AFF1: variants seen among roughly 807,000 people sequenced by gnomAD.
AFF1 encodes the protein AF4/FMR2 family member 1.
AFF1 carries 48 observed loss-of-function variants against 121.7 expected under a neutral mutation model. The ratio of observed to expected loss-of-function variants is 0.39; its 90% CI spans 0.31 to 0.50. AFF1 has a LOEUF of 0.50. Ranked by LOEUF, AFF1 falls within the 20% of genes least tolerant of loss-of-function variation. AFF1 has a pLI of 0.76. For missense variants in AFF1, 1,523 were observed against 1,511.7 expected, an observed-to-expected ratio of 1.01 and a Z score of -0.12; for synonymous variants, 613 against 563.0, an observed-to-expected ratio of 1.09 and a Z score of -1.26.
intron 2 of AFF1, among the ~76,000 whole-genome samples, chr4:86,956,584 A>G (rs986796598): frequency 2.6e-5 from 4 of 152,240 alleles, no homozygotes; most frequent in South Asian, 2.1e-4. Flanking sequence ...ACCTGTTTAC[A>G]GTTAATCCCA....
At chr4:86,991,950 A>G (rs1014920892) in intron 2 of AFF1, among the ~76,000 whole-genome samples, 2 of 151,958 alleles carry the variant, frequency 1.3e-5, no homozygotes, top group East Asian at 1.9e-4. Context: ...AACCAAACCA[A>G]CCATGATAAT....
intron 10 of AFF1, among the ~76,000 whole-genome samples, chr4:87,106,965 T>TA (rs1405046899): frequency 3.3e-5 from 5 of 152,170 alleles, no homozygotes; most frequent in African/African-American, 1.2e-4. Flanking sequence ...CATGACAAGG[T>TA]AGCCTAACTT....
chr4:86,950,026 G>C, intron 2 of AFF1: 1 of 1,614,066 alleles, frequency 6.2e-7, no homozygotes, highest in Non-Finnish European at 8.5e-7. Flanking sequence ...GCTGAGCTCC[G>C]TAGGTAGGGG....
intron 1 of AFF1, among the ~76,000 whole-genome samples, chr4:86,944,804 CT>C (rs1427064001): frequency 1.3e-5 from 2 of 152,232 alleles, no homozygotes; most frequent in East Asian, 1.9e-4. Flanking sequence ...CATCTTCTCC[CT>C]TTTTTTCTAT....
At chr4:87,043,118 A>C (rs1163551064) in intron 2 of AFF1, among the ~76,000 whole-genome samples, 1 of 152,194 alleles carries the variant, frequency 6.6e-6, no homozygotes, top group African/African-American at 2.4e-5. Context: ...TCTCTGAGAC[A>C]AAGGTAGCAT....
rs1307610920 is a variant in AFF1, at chr4:87,134,630, A to G, written c.3471A>G (p.Thr1157=). 1.2e-6 allele frequency: 2 copies of G among 1,614,152 alleles called. No homozygotes were observed. Among genetic ancestry groups the G allele is most frequent in the South Asian group, 1.1e-5 (1 of 91,088 alleles). ...TGACATCTTCCTATGTCACCATCACATCCCATGTTCTTACCGCCTTTGACC... is the reference window on the plus strand; with the variant it reads ...TGACATCTTCCTATGTCACCATCACGTCCCATGTTCTTACCGCCTTTGACC... The part of the protein sequence containing the change: ...QNMTSSYVTI[T]SHVLTAFDLW... Residue 1157 remains threonine (T), a synonymous_variant, in exon 20 of 21, where the codon ACA becomes ACG. Transcript: ENST00000395146.
intron 4 of AFF1, among the ~76,000 whole-genome samples, chr4:87,066,542 T>C (rs532817449): frequency 2.6e-5 from 4 of 152,178 alleles, no homozygotes; most frequent in African/African-American, 9.6e-5. Context: ...AGCTATATGA[T>C]TGCACCAGTG....
chr4:87,132,468 T>C, intron 19 of AFF1, 60 bp downstream of exon 19: 1 of 1,529,998 alleles, frequency 6.5e-7, no homozygotes, highest in Non-Finnish European at 8.8e-7. Flanking sequence ...ATTTACTTCT[T>C]GCTTTTGCAA....
chr4:86,954,060 G>T (rs1721571947), intron 2 of AFF1, among the ~76,000 whole-genome samples: 1 of 152,092 alleles, frequency 6.6e-6, no homozygotes, highest in Non-Finnish European at 1.5e-5. Context: ...ATTAAGACCA[G>T]CTGTCTAGAA....
Position 87,127,714 on chromosome 4 carries a change from G to C in AFF1, c.2964+11G>C, listed in dbSNP as rs756092156. 1 of 1,613,332 alleles carries C rather than the reference G, an allele frequency of 6.2e-7. No homozygotes were observed. Among genetic ancestry groups the C allele is most frequent in the South Asian group, 1.1e-5 (1 of 90,906 alleles). ...AAAGCAGAGTTAATGGTTAGTATTG[G>C]CCCTTTATCTCTTTGGTAGAATGTT... On this transcript the variant is annotated intron_variant, in intron 16 of 20. Coordinates refer to ENST00000395146, the MANE Select transcript of AFF1 (RefSeq NM_001166693.3).
intron 2 of AFF1, among the ~76,000 whole-genome samples, chr4:86,998,570 C>T (rs540227107): frequency 5.3e-5 from 8 of 152,264 alleles, no homozygotes; most frequent in African/African-American, 1.9e-4. Flanking sequence ...CTTTTGAATA[C>T]ACATTTCATT....
At chr4:87,046,309 T>C in intron 3 of AFF1, 23 bp downstream of exon 3, 1 of 1,603,910 alleles carries the variant, frequency 6.2e-7, no homozygotes, top group Non-Finnish European at 8.5e-7. Flanking sequence ...CACTAGACAT[T>C]GAAGTCCTGA....
intron 2 of AFF1, among the ~76,000 whole-genome samples, chr4:86,951,007 C>T (rs1310486542): frequency 6.6e-6 from 1 of 152,152 alleles, no homozygotes; most frequent in Admixed American, 6.5e-5. Context: ...AGCTGGTGGA[C>T]TGTGGGACAG....
chr4:86,969,329 A>G (rs992884900), intron 2 of AFF1, among the ~76,000 whole-genome samples: 1 of 151,644 alleles, frequency 6.6e-6, no homozygotes, highest in African/African-American at 2.4e-5. Flanking sequence ...AACACAAAAA[A>G]TTAGCTTGGC....
At chr4:86,958,765 G>C (rs1721939655) in intron 2 of AFF1, among the ~76,000 whole-genome samples, 1 of 152,048 alleles carries the variant, frequency 6.6e-6, no homozygotes, top group Non-Finnish European at 1.5e-5. Flanking sequence ...TCTTCATCTT[G>C]ATCCAAGGAA....
chr4:87,088,675 G>A (rs1723981295), intron 5 of AFF1, among the ~76,000 whole-genome samples: 1 of 152,032 alleles, frequency 6.6e-6, no homozygotes, highest in Admixed American at 6.6e-5. Context: ...TGCGATCCCC[G>A]CTCACTGCAA....
At position 87,047,271 on chromosome 4, in the gene AFF1, G is replaced by A. The variant is rs1458493313; in HGVS notation, c.736G>A (p.Gly246Ser). ...KVHGSSNNSK[G>S]YCPAKSPKDL... Reference sequence around the variant, plus strand: ...TCATGGCAGCAGCAATAACAGTAAAGGCTATTGCCCAGCCAAATCTCCCAA... The same window carrying A: ...TCATGGCAGCAGCAATAACAGTAAAAGCTATTGCCCAGCCAAATCTCCCAA... Residue 246 changes from glycine (G) to serine (S), a missense_variant, in exon 4 of 21, where the codon GGC (glycine) becomes AGC (serine). Physicochemically the swap from Gly to Ser is moderately conservative, Grantham distance 56. Transcript: ENST00000395146. 3 of 1,614,030 alleles carry A rather than the reference G, an allele frequency of 1.9e-6. No individual in the cohort carries two copies. Among genetic ancestry groups the A allele is most frequent in the African/African-American group, 2.7e-5 (2 of 74,888 alleles).
intron 4 of AFF1, among the ~76,000 whole-genome samples, chr4:87,068,267 C>CCCCA (rs931682412): frequency 6.8e-6 from 1 of 147,396 alleles, no homozygotes; most frequent in Non-Finnish European, 1.5e-5. Context: ...GCCCCCCCCC[C>CCCCA]ACTCCATGAA....
chr4:87,072,146 G>A (rs1216319651), intron 4 of AFF1, among the ~76,000 whole-genome samples: 5 of 152,076 alleles, frequency 3.3e-5, no homozygotes, highest in African/African-American at 9.7e-5. Flanking sequence ...GGCGGATCAC[G>A]AAGTCAGGAG....
Sources: gnomAD v4.1 joint callset for allele counts (sites outside exome capture counted in the v4.1 genomes callset) on GRCh38, gnomAD v4.1.1 for gene constraint, MANE v1.5 for transcripts, NCBI Gene and HGNC (gene_info 2026-07-23, HGNC 2026-07-21) for gene names.